Variants in IFT80 observed in about 807,000 individuals in gnomAD.
The protein encoded by IFT80 is intraflagellar transport protein 80 homolog.
IFT80 carries 79 observed loss-of-function variants against 107.9 expected under a neutral mutation model. The ratio of observed to expected loss-of-function variants is 0.73; its 90% CI spans 0.61 to 0.88. The LOEUF (loss-of-function observed/expected upper bound fraction) is 0.88, where lower values mean the gene tolerates loss of function less well. Ranked by LOEUF, IFT80 falls within the 40% of genes least tolerant of loss-of-function variation. The probability of loss-of-function intolerance (pLI) is 0.00; values close to 1 mark genes in which losing one functional copy is unlikely to be tolerated. For missense variants in IFT80, 797 were observed against 914.2 expected (o/e 0.87, Z 1.65); for synonymous variants, 299 against 300.9 (o/e 0.99, Z 0.07).
rs781482459 is a variant in IFT80 at position 160,282,619 on chromosome 3, A to T, written c.1381-6T>A. 39 of 1,543,742 alleles carry T rather than the reference A, an allele frequency of 2.5e-5. No individual in the cohort carries two copies. Among genetic ancestry groups the T allele is most frequent in the Middle Eastern group, 1.8e-4 (1 of 5,500 alleles). On this transcript the variant is annotated splice_region_variant and splice_polypyrimidine_tract_variant and intron_variant, in intron 13 of 19. Transcript: ENST00000326448. ...GCAATTTCCAAGATTTCATTCTAAA[A>T]TTTTTTTTAAATGTAAATACTGGGT...
chr3:160,397,028 A>G (rs1370832036), intron 1 of IFT80, among the ~76,000 whole-genome samples: 1 of 152,218 alleles, frequency 6.6e-6, no homozygotes, highest in Non-Finnish European at 1.5e-5. Context: ...TTGATTTATC[A>G]AAACTATATT....
At chr3:160,289,488 G>A (rs1715363082) in intron 12 of IFT80, among the ~76,000 whole-genome samples, 1 of 152,072 alleles carries the variant, frequency 6.6e-6, no homozygotes, top group Admixed American at 6.5e-5. Context: ...AAAGAAACGA[G>A]GTGAAAAAGC....
intron 8 of IFT80, 91 bp from the exon 9 acceptor site, chr3:160,320,030 AT>A (rs1718094509): frequency 1.3e-5 from 11 of 848,892 alleles, no homozygotes; most frequent in Non-Finnish European, 5.6e-6. Context: ...TAATAAGATC[AT>A]TTTTAAAAGA....
intron 2 of IFT80, chr3:160,384,333 G>A (rs1712765965): frequency 1.9e-6 from 2 of 1,068,034 alleles, no homozygotes; most frequent in Admixed American, 9.3e-5. Context: ...TACTTAAGTA[G>A]AGTAAGAAAA....
intron 1 of IFT80, among the ~76,000 whole-genome samples, chr3:160,398,610 C>T (rs1433178317): frequency 2.0e-5 from 3 of 152,098 alleles, no homozygotes; most frequent in African/African-American, 7.2e-5. Context: ...GTTATGAACT[C>T]TGAAGCCCAA....
At chr3:160,361,583 GCACCA>G (rs749970257) in intron 6 of IFT80, among the ~76,000 whole-genome samples, 2 of 152,134 alleles carry the variant, frequency 1.3e-5, no homozygotes, top group African/African-American at 2.4e-5. Flanking sequence ...ATTATTCTCA[GCACCA>G]CACCACACTT....
chr3:160,365,310 A>C (rs1427076776), intron 6 of IFT80, among the ~76,000 whole-genome samples: 2 of 152,090 alleles, frequency 1.3e-5, no homozygotes, highest in Non-Finnish European at 2.9e-5. Context: ...GGCTGTGTAA[A>C]ATACATATAG....
intron 12 of IFT80, among the ~76,000 whole-genome samples, chr3:160,291,708 A>C (rs949599404): frequency 2.0e-5 from 3 of 152,208 alleles, no homozygotes; most frequent in African/African-American, 7.2e-5. Flanking sequence ...GGCAAGAAGG[A>C]CAGTGGAAAA....
At chr3:160,328,232 C>T (rs531505888) in intron 8 of IFT80, among the ~76,000 whole-genome samples, 7 of 151,956 alleles carry the variant, frequency 4.6e-5, no homozygotes, top group South Asian at 2.1e-4. Context: ...GAGCCTGAGG[C>T]GGGTGGATCA....
intron 5 of IFT80, among the ~76,000 whole-genome samples, chr3:160,371,198 T>C (rs1394250147): frequency 2.6e-5 from 4 of 152,192 alleles, no homozygotes; most frequent in Non-Finnish European, 5.9e-5. Flanking sequence ...CTTCTGTCTC[T>C]AAGCCTCTTA....
chr3:160,285,137 G>A (rs757831725), intron 13 of IFT80, among the ~76,000 whole-genome samples: 5 of 151,962 alleles, frequency 3.3e-5, no homozygotes, highest in African/African-American at 4.8e-5. Context: ...TCAGGAGTTC[G>A]AGACCAGCCT....
intron 13 of IFT80, 117 bp downstream of exon 13, chr3:160,285,687 T>C: frequency 2.7e-6 from 2 of 748,190 alleles, no homozygotes; most frequent in Non-Finnish European, 4.4e-6. Flanking sequence ...AGAATGCACA[T>C]TGATTTTAAA....
chr3:160,258,699 A>G lies in IFT80; in HGVS notation c.2224-64T>C. The G allele has an allele frequency of 2.6e-6, 4 of 1,566,150 alleles. No individual in the cohort carries two copies. In the Admixed American group the frequency reaches 5.3e-5, roughly 21 times the overall value. Reference sequence around the variant, plus strand: ...GTGTAAGACATTTTTGTTTACTCCAAAGTAACTAAGAGTAAACAGATAGAC... The same window carrying G: ...GTGTAAGACATTTTTGTTTACTCCAGAGTAACTAAGAGTAAACAGATAGAC... On this transcript the variant is annotated intron_variant, in intron 19 of 19. Coordinates refer to ENST00000326448, the MANE Select transcript of IFT80 (RefSeq NM_020800.3).
At chr3:160,287,140 A>G (rs1165390153) in intron 12 of IFT80, among the ~76,000 whole-genome samples, 1 of 152,186 alleles carries the variant, frequency 6.6e-6, no homozygotes, top group Non-Finnish European at 1.5e-5. Context: ...TAGTGAACAC[A>G]CTGATGAGCT....
Position 160,301,132 on chromosome 3 carries a change from A to G in IFT80, c.1152-86T>C, listed in dbSNP as rs532892461. 3.6e-4 allele frequency: 441 copies of G among 1,221,572 alleles called. 2 individuals are homozygous for G. The highest frequency in any genetic ancestry group is 3.0e-3 in the South Asian group (193 of 63,490). 75.7% of individuals were successfully genotyped at this position (1,221,572 alleles called of 1,614,324 possible). ...TATTACAGAATAGTTTATCCTTGGG[A>G]AAAAAAATCTAAATCTTACAATTAA... On this transcript the variant is annotated intron_variant, in intron 11 of 19. Transcript: ENST00000326448.
intron 19 of IFT80, among the ~76,000 whole-genome samples, chr3:160,262,518 C>T (rs993046584): frequency 1.3e-5 from 2 of 151,980 alleles, no homozygotes; most frequent in Admixed American, 1.3e-4. Flanking sequence ...CAAGGTCTCA[C>T]TTTGTTACCC....
intron 14 of IFT80, among the ~76,000 whole-genome samples, chr3:160,281,738 C>T (rs1714705170): frequency 6.6e-6 from 1 of 152,128 alleles, no homozygotes; most frequent in Non-Finnish European, 1.5e-5. Context: ...GGAAAAACGC[C>T]TCAAGTGAGC....
intron 8 of IFT80, among the ~76,000 whole-genome samples, chr3:160,342,379 T>C (rs945982639): frequency 6.6e-6 from 1 of 152,190 alleles, no homozygotes; most frequent in Admixed American, 6.5e-5. Flanking sequence ...TTATAAAGTG[T>C]TGATATATCA....
intron 9 of IFT80, among the ~76,000 whole-genome samples, chr3:160,318,304 T>A (rs1717967901): frequency 1.3e-5 from 2 of 152,144 alleles, no homozygotes; most frequent in South Asian, 4.1e-4. Context: ...GACAATATTA[T>A]CCAAATTTTA....
Sources: gnomAD v4.1 joint callset for allele counts (sites outside exome capture counted in the v4.1 genomes callset) on GRCh38, gnomAD v4.1.1 for gene constraint, MANE v1.5 for transcripts, NCBI Gene and HGNC (gene_info 2026-07-23, HGNC 2026-07-21) for gene names.